Variants in NXPH1 observed in about 807,000 individuals in gnomAD.
The protein encoded by NXPH1 is neurexophilin-1.
A neutral mutation model predicts 23.7 loss-of-function variants in NXPH1; 5 were observed. That is an observed-to-expected ratio of 0.21 (90% CI 0.11 to 0.44). NXPH1 has a LOEUF of 0.44. NXPH1 is among the 20% of genes least tolerant of loss of function. NXPH1 has a pLI of 0.99. For missense variants in NXPH1, 324 were observed against 321.6 expected (o/e 1.01, Z -0.06); for synonymous variants, 144 against 122.2 (o/e 1.18, Z -1.18).
intron 2 of NXPH1, among the ~76,000 whole-genome samples, chr7:8,452,312 C>T (rs1816520253): frequency 6.6e-6 from 1 of 152,158 alleles, no homozygotes; most frequent in South Asian, 2.1e-4. Context: ...TTTTGATATA[C>T]TCTTTCTTTA....
At chr7:8,616,682 C>G (rs1297219785) in intron 2 of NXPH1, among the ~76,000 whole-genome samples, 1 of 151,824 alleles carries the variant, frequency 6.6e-6, no homozygotes, top group Non-Finnish European at 1.5e-5. Flanking sequence ...GAGGGAAAGA[C>G]ATTGTTGCTT....
intron 2 of NXPH1, among the ~76,000 whole-genome samples, chr7:8,440,436 T>G (rs749558830): frequency 2.0e-5 from 3 of 152,232 alleles, no homozygotes; most frequent in Non-Finnish European, 2.9e-5. Flanking sequence ...AGCCATTAAA[T>G]TCGTGGCTCC....
At chr7:8,732,156 C>T (rs572695327) in intron 2 of NXPH1, among the ~76,000 whole-genome samples, 61 of 152,350 alleles carry the variant, frequency 4.0e-4, no homozygotes, top group African/African-American at 1.3e-3. Context: ...ACTCCCTGAC[C>T]CCTTGCGCTT....
intron 2 of NXPH1, among the ~76,000 whole-genome samples, chr7:8,733,981 G>C (rs1780202064): frequency 6.6e-6 from 1 of 151,832 alleles, no homozygotes; most frequent in Non-Finnish European, 1.5e-5. Context: ...TATTGCCTAA[G>C]TATTCCAGGG....
chr7:8,710,922 A>G (rs373907125), intron 2 of NXPH1, among the ~76,000 whole-genome samples: 1 of 114,082 alleles, frequency 8.8e-6, no homozygotes, highest in South Asian at 2.8e-4. Flanking sequence ...TCGGCCTCCC[A>G]AAGTGCTGGG....
intron 2 of NXPH1, among the ~76,000 whole-genome samples, chr7:8,474,856 A>C (rs957002327): frequency 6.6e-6 from 1 of 151,990 alleles, no homozygotes; most frequent in Admixed American, 6.6e-5. Flanking sequence ...TCTCACCTGG[A>C]ATTTAAGAGG....
At chr7:8,549,876 A>T (rs192346095) in intron 2 of NXPH1, among the ~76,000 whole-genome samples, 11 of 151,672 alleles carry the variant, frequency 7.3e-5, no homozygotes, top group Non-Finnish European at 1.3e-4. Flanking sequence ...GCGTGTTTGT[A>T]ACCACTAAAC....
At chr7:8,447,252 T>A (rs894658441) in intron 2 of NXPH1, among the ~76,000 whole-genome samples, 9 of 152,096 alleles carry the variant, frequency 5.9e-5, no homozygotes, top group Non-Finnish European at 8.8e-5. Flanking sequence ...TACTCACATA[T>A]TTTTTTCCAG....
chr7:8,476,125 C>T (rs1212481596), intron 2 of NXPH1, among the ~76,000 whole-genome samples: 1 of 152,058 alleles, frequency 6.6e-6, no homozygotes, highest in Non-Finnish European at 1.5e-5. Context: ...GACCATAGGC[C>T]CTTTTCTAAA....
In NXPH1 at chr7:8,618,214, G is replaced by C. The variant is rs1819788184; in HGVS notation, c.55-132794G>C. ...ACTCATGTTTGTACTTTATGATCTG[G>C]GCATTTTGGGATCTATTTTATGGTA... On this transcript the variant is annotated intron_variant, in intron 2 of 2. Transcript: ENST00000405863. 4.6e-5 allele frequency among the ~76,000 whole-genome samples: 7 copies of C among 151,986 alleles called. No individual in the cohort carries two copies. In the South Asian group the frequency reaches 1.2e-3, roughly 27 times the overall value.
intron 2 of NXPH1, among the ~76,000 whole-genome samples, chr7:8,573,105 A>C (rs1584241494): frequency 1.3e-5 from 2 of 151,436 alleles, no homozygotes; most frequent in South Asian, 4.1e-4. Flanking sequence ...TTTTTTACCC[A>C]GTTAAGATCA....
At chr7:8,728,549 G>A (rs1780096464) in intron 2 of NXPH1, among the ~76,000 whole-genome samples, 7 of 152,216 alleles carry the variant, frequency 4.6e-5, no homozygotes, top group Admixed American at 4.6e-4. Flanking sequence ...TTAGCATGAA[G>A]GGTTGTTGAA....
chr7:8,683,280 G>T (rs1395486753), intron 2 of NXPH1, among the ~76,000 whole-genome samples: 5 of 152,152 alleles, frequency 3.3e-5, no homozygotes, highest in Admixed American at 3.3e-4. Context: ...ATTCATCAGG[G>T]ATCCAACTCC....
chr7:8,726,627 T>C (rs555383916), intron 2 of NXPH1, among the ~76,000 whole-genome samples: 1 of 150,372 alleles, frequency 6.7e-6, no homozygotes, highest in South Asian at 2.1e-4. Context: ...AGAATGATGA[T>C]TTCCAATTTC....
intron 2 of NXPH1, among the ~76,000 whole-genome samples, chr7:8,698,280 A>G (rs1362614186): frequency 6.6e-6 from 1 of 152,224 alleles, no homozygotes; most frequent in Non-Finnish European, 1.5e-5. Flanking sequence ...ATATATAAAT[A>G]CAAACCATTT....
rs146743079 is a variant in NXPH1, at chr7:8,616,191, G to A, written c.55-134817G>A. Among the ~76,000 whole-genome samples, 806 of 152,006 alleles carry A rather than the reference G, an allele frequency of 5.3e-3. 11 individuals carry two copies. Among genetic ancestry groups the A allele is most frequent in the African/African-American group, 0.018 (749 of 41,460 alleles). ...TTTCACTCTCTTCTTACACAGTCAC[G>A]TTCAACCACACTGGCCTCCTTGCTG... is the stretch of plus-strand genomic sequence containing the variant. On this transcript the variant is annotated intron_variant, in intron 2 of 2. Coordinates refer to ENST00000405863, the MANE Select transcript of NXPH1 (RefSeq NM_152745.3).
chr7:8,632,765 T>C (rs544840174), intron 2 of NXPH1, among the ~76,000 whole-genome samples: 3 of 152,318 alleles, frequency 2.0e-5, no homozygotes, highest in African/African-American at 7.2e-5. Flanking sequence ...AATTGTAAAG[T>C]AGGGCTTCTA....
chr7:8,604,629 T>C (rs2128628123), intron 2 of NXPH1, among the ~76,000 whole-genome samples: 1 of 152,264 alleles, frequency 6.6e-6, no homozygotes, highest in East Asian at 1.9e-4. Context: ...CATTGCAATT[T>C]AGAATCTATA....
chr7:8,454,634 T>C (rs1303967378), intron 2 of NXPH1, among the ~76,000 whole-genome samples: 5 of 152,140 alleles, frequency 3.3e-5, no homozygotes, highest in African/African-American at 4.8e-5. Flanking sequence ...TCCTCTATGA[T>C]ATACTCAAAA....
Sources: gnomAD v4.1 joint callset for allele counts (sites outside exome capture counted in the v4.1 genomes callset) on GRCh38, gnomAD v4.1.1 for gene constraint, MANE v1.5 for transcripts, NCBI Gene and HGNC (gene_info 2026-07-23, HGNC 2026-07-21) for gene names.